The following CD2AP variants were observed in gnomAD, a reference collection of about 807,000 sequenced individuals.
CD2AP encodes the protein CD2 associated protein, also known as CD2-associated protein.
CD2AP carries 46 observed loss-of-function variants against 85.1 expected under a neutral mutation model. The ratio of observed to expected loss-of-function variants is 0.54; its 90% CI spans 0.43 to 0.69. The LOEUF (loss-of-function observed/expected upper bound fraction) is 0.69, where lower values mean the gene tolerates loss of function less well. Among genes scored for constraint, CD2AP ranks in the 30% least tolerant of loss-of-function variants. The pLI, the probability that CD2AP is intolerant of heterozygous loss-of-function variation, is 0.00. For missense variants in CD2AP, 769 were observed against 729.5 expected (o/e 1.05, Z -0.62); for synonymous variants, 255 against 252.9 (o/e 1.01, Z -0.08).
At chr6:47,611,654 T>A (rs1359790070) in intron 16 of CD2AP, among the ~76,000 whole-genome samples, 1 of 152,012 alleles carries the variant, frequency 6.6e-6, no homozygotes, top group African/African-American at 2.4e-5. Context: ...TTCTCAAGAA[T>A]TTTTCAAGTA....
intron 2 of CD2AP, among the ~76,000 whole-genome samples, chr6:47,520,653 C>G (rs949394690): frequency 1.3e-5 from 2 of 150,890 alleles, no homozygotes; most frequent in African/African-American, 4.9e-5. Context: ...ATTGGGGCGC[C>G]TTATTATAGC....
chr6:47,561,319 GT>G (rs1767856073), intron 5 of CD2AP, among the ~76,000 whole-genome samples: 1 of 151,992 alleles, frequency 6.6e-6, no homozygotes, highest in Admixed American at 6.6e-5. Flanking sequence ...CATAGATCTG[GT>G]TTGTCATTAT....
intron 2 of CD2AP, among the ~76,000 whole-genome samples, chr6:47,508,534 C>CTTTTTTTTTTGTTTT (rs1766235203): frequency 7.7e-6 from 1 of 129,408 alleles, no homozygotes; most frequent in Non-Finnish European, 1.6e-5. Flanking sequence ...TTCTTTCTTT[C>CTTTTTTTTTTGTTTT]TTTTTTTTTT....
At chr6:47,597,662 A>G (rs1768988175) in intron 12 of CD2AP, among the ~76,000 whole-genome samples, 1 of 150,810 alleles carries the variant, frequency 6.6e-6, no homozygotes, top group African/African-American at 2.4e-5. Context: ...CAAAACTAAA[A>G]CTGAAATGGA....
rs550791094 is a variant in CD2AP at position 47,549,168 on chromosome 6, C to G, written c.420+4462C>G. Among the ~76,000 whole-genome samples the G allele has an allele frequency of 1.1e-3, 160 of 152,256 alleles. 1 individual carries two copies. In the South Asian group the frequency reaches 0.025, roughly 24 times the overall value. On this transcript the variant is annotated intron_variant, in intron 4 of 17. Transcript: ENST00000359314. ...AAGACAAGGATGCCTGCTCTCACCACTCCTCTTCAACATAGTACTGGAAGT... is the reference window on the plus strand; with the variant it reads ...AAGACAAGGATGCCTGCTCTCACCAGTCCTCTTCAACATAGTACTGGAAGT...
At chr6:47,579,596 G>A in intron 9 of CD2AP, 107 bp downstream of exon 9, 1 of 718,674 alleles carries the variant, frequency 1.4e-6, no homozygotes, top group Non-Finnish European at 2.5e-6. Context: ...TTATGAAGGA[G>A]TTTCAGATGT....
intron 15 of CD2AP, among the ~76,000 whole-genome samples, chr6:47,608,810 T>G (rs1221149268): frequency 6.6e-6 from 1 of 152,182 alleles, no homozygotes; most frequent in Non-Finnish European, 1.5e-5. Context: ...AAGTAATACC[T>G]TTATAATGCT....
chr6:47,484,970 G>A (rs1014760552), intron 1 of CD2AP, among the ~76,000 whole-genome samples: 2 of 152,128 alleles, frequency 1.3e-5, no homozygotes, highest in African/African-American at 4.8e-5. Flanking sequence ...CTAGTGAGTT[G>A]TAGCCATCCC....
chr6:47,497,321 C>CTTTCCTTTCA (rs60950783), intron 1 of CD2AP, among the ~76,000 whole-genome samples: 45,979 of 139,714 alleles, frequency 0.33, 8,637 homozygotes, highest in Middle Eastern at 0.52. Flanking sequence ...CTTTCCTTTC[C>CTTTCCTTTCA]TTTCCTTTCC....
chr6:47,579,334 T>A lies in CD2AP; in HGVS notation c.904-51T>A, dbSNP rs1264157944. 311 of 803,216 alleles carry A rather than the reference T, an allele frequency of 3.9e-4. 1 individual carries two copies. The highest frequency in any genetic ancestry group is 3.5e-3 in the African/African-American group (198 of 56,192). The allele number at this position is 803,216 out of a possible 1,614,324, so 49.8% of individuals were successfully genotyped here. A position where few individuals can be genotyped will look rare whatever the true frequency, so the allele number is the denominator to read the frequency against. ...TGGCCAACAGAGCAACACTTTATCT[T>A]AAAAAAAAAAAAAAGGTCTATTGTC... is the stretch of plus-strand genomic sequence containing the variant. On this transcript the variant is annotated intron_variant, in intron 8 of 17. Coordinates refer to ENST00000359314, the MANE Select transcript of CD2AP (RefSeq NM_012120.3).
intron 8 of CD2AP, among the ~76,000 whole-genome samples, chr6:47,578,030 A>T (rs1025947175): frequency 3.0e-5 from 4 of 134,044 alleles, no homozygotes; most frequent in Non-Finnish European, 7.0e-5. Context: ...GTCATCTCAC[A>T]TAGTTACCTT....
intron 11 of CD2AP, among the ~76,000 whole-genome samples, chr6:47,594,166 G>A (rs1441426151): frequency 6.6e-6 from 1 of 152,026 alleles, no homozygotes; most frequent in Admixed American, 6.6e-5. Flanking sequence ...CTTCTGGGGT[G>A]TTGGAAGTGT....
In CD2AP at chr6:47,576,952, G is replaced by GTAT. The variant is rs1236108505; in HGVS notation, c.809-55_809-53dup. 4 of 898,656 alleles carry GTAT rather than the reference G, an allele frequency of 4.5e-6. No individual in the cohort carries two copies. In the African/African-American group the frequency reaches 4.9e-5, roughly 11 times the overall value. The allele number at this position is 898,656 out of a possible 1,614,324, so 55.7% of individuals were successfully genotyped here. A position where few individuals can be genotyped will look rare whatever the true frequency, so the allele number is the denominator to read the frequency against. On this transcript the variant is annotated intron_variant, in intron 7 of 17. Transcript: ENST00000359314. ...TTTACACAAGATAGAGGCTAAATAAGTATTTGTTGAATGAATCCATTTGTG... is the reference window on the plus strand; with the variant it reads ...TTTACACAAGATAGAGGCTAAATAAGTATTATTTGTTGAATGAATCCATTTGTG...
At chr6:47,572,701 C>T (rs1768190077) in intron 5 of CD2AP, among the ~76,000 whole-genome samples, 1 of 152,172 alleles carries the variant, frequency 6.6e-6, no homozygotes, top group Non-Finnish European at 1.5e-5. Flanking sequence ...GACTTTGTTA[C>T]TGACTACCTG....
At chr6:47,549,564 G>A (rs181692563) in intron 4 of CD2AP, among the ~76,000 whole-genome samples, 47 of 151,254 alleles carry the variant, frequency 3.1e-4, no homozygotes, top group Non-Finnish European at 5.5e-4. Context: ...AGAAATAGAC[G>A]ACAAAAACAA....
At chr6:47,555,851 A>G (rs1277646891) in intron 5 of CD2AP, among the ~76,000 whole-genome samples, 1 of 143,328 alleles carries the variant, frequency 7.0e-6, no homozygotes, top group Non-Finnish European at 1.6e-5. Flanking sequence ...GACAGTTTCT[A>G]AGCATAATGT....
chr6:47,489,858 T>C (rs1206768038), intron 1 of CD2AP, among the ~76,000 whole-genome samples: 1 of 152,194 alleles, frequency 6.6e-6, no homozygotes, highest in Non-Finnish European at 1.5e-5. Context: ...GCAAGTAATA[T>C]GACCTTCAGA....
rs373000859 is a variant in CD2AP at position 47,624,262 on chromosome 6, A to T, written c.*35A>T. The T allele has an allele frequency of 1.9e-6, 3 of 1,555,862 alleles. No homozygotes were observed. The African/African-American group carries it at 4.1e-5, about 21-fold the overall frequency. On this transcript the variant is annotated 3_prime_UTR_variant, in exon 18 of 18. Transcript: ENST00000359314. ...ACCTGGTGTTCATAATGTTCCAGGG[A>T]TTCAGAAGCAACGCTATGAACTTCA... is the stretch of plus-strand genomic sequence containing the variant.
In CD2AP at chr6:47,599,368, G is replaced by A. The variant is rs61747098; in HGVS notation, c.1342G>A (p.Asp448Asn). The A allele has an allele frequency of 6.2e-7, 1 of 1,611,850 alleles. No individual in the cohort carries two copies. Among genetic ancestry groups the A allele is most frequent in the East Asian group, 2.2e-5 (1 of 44,748 alleles). Residue 448 changes from aspartate to asparagine, a missense_variant, in exon 13 of 18, where the codon GAT becomes AAT. Asp to Asn is a conservative substitution (Grantham distance 23, BLOSUM62 1). Coordinates refer to ENST00000359314, the MANE Select transcript of CD2AP (RefSeq NM_012120.3). Reference sequence around the variant, plus strand: ...TGAGCCAGTATCAAAACTAAAGCTAGATTCTGAACAGCTGCCCCTTAGACC... The same window carrying A: ...TGAGCCAGTATCAAAACTAAAGCTAAATTCTGAACAGCTGCCCCTTAGACC... ...ETEPVSKLKL[D>N]SEQLPLRPKS...
Sources: gnomAD v4.1 joint callset for allele counts (sites outside exome capture counted in the v4.1 genomes callset) on GRCh38, gnomAD v4.1.1 for gene constraint, MANE v1.5 for transcripts, NCBI Gene and HGNC (gene_info 2026-07-23, HGNC 2026-07-21) for gene names.